Variants in NARS2 observed in about 807,000 individuals in gnomAD.
NARS2 encodes the protein asparaginyl-tRNA synthetase.
A neutral mutation model predicts 62.9 loss-of-function variants in NARS2; 60 were observed. The observed-to-expected ratio is 0.95, with a 90% CI of 0.77 to 1.18. NARS2 has a LOEUF of 1.18. Among genes scored for constraint, NARS2 ranks in the 50% most tolerant of loss-of-function variants. The pLI is 0.00. For missense variants in NARS2, 619 were observed against 576.4 expected (o/e 1.07, Z -0.76); for synonymous variants, 196 against 200.0 (o/e 0.98, Z 0.17).
At chr11:78,458,526 T>C (rs1858256167) in intron 11 of NARS2, among the ~76,000 whole-genome samples, 1 of 152,196 alleles carries the variant, frequency 6.6e-6, no homozygotes, top group Non-Finnish European at 1.5e-5. Flanking sequence ...TGTCTAACTC[T>C]ATAGCCACTA....
intron 3 of NARS2, 145 bp downstream of exon 3, chr11:78,568,487 C>T (rs1856813204): frequency 2.2e-6 from 2 of 919,766 alleles, no homozygotes; most frequent in African/African-American, 3.4e-5. Context: ...TTTGCTACTG[C>T]CTCTACAGGT....
At chr11:78,464,032 T>C (rs1215415543) in intron 11 of NARS2, among the ~76,000 whole-genome samples, 1 of 152,174 alleles carries the variant, frequency 6.6e-6, no homozygotes, top group Non-Finnish European at 1.5e-5. Flanking sequence ...TTACAGTTCT[T>C]AAAGGCGGCG....
intron 6 of NARS2, among the ~76,000 whole-genome samples, chr11:78,521,681 T>C (rs1159994564): frequency 1.3e-5 from 2 of 148,448 alleles, no homozygotes; most frequent in Non-Finnish European, 3.0e-5. Flanking sequence ...TCCCAGCTAC[T>C]TGGGAGGCTG....
chr11:78,468,310 G>GAAAGAAAAAAAAAAAAAAAAAAAAAAAA (rs1858712382), intron 10 of NARS2, among the ~76,000 whole-genome samples: 1 of 67,436 alleles, frequency 1.5e-5, no homozygotes, highest in African/African-American at 5.9e-5. Flanking sequence ...CACTAAATCT[G>GAAAGAAAAAAAAAAAAAAAAAAAAAAAA]AAAAAAAAAA....
intron 4 of NARS2, among the ~76,000 whole-genome samples, chr11:78,565,320 C>A (rs2135531750): frequency 6.6e-6 from 1 of 152,148 alleles, no homozygotes; most frequent in African/African-American, 2.4e-5. Flanking sequence ...AACAGGAAAC[C>A]AAAAACACTG....
At chr11:78,450,707 C>G (rs1312823419) in intron 11 of NARS2, among the ~76,000 whole-genome samples, 1 of 134,596 alleles carries the variant, frequency 7.4e-6, no homozygotes, top group African/African-American at 2.8e-5. Context: ...CTGAGTCTCA[C>G]TGTGTCGCCC....
chr11:78,545,697 T>C (rs564951610), intron 5 of NARS2, among the ~76,000 whole-genome samples: 1 of 152,084 alleles, frequency 6.6e-6, no homozygotes, highest in East Asian at 1.9e-4. Flanking sequence ...CAGCTAATTT[T>C]TGTATTTTTA....
intron 7 of NARS2, among the ~76,000 whole-genome samples, chr11:78,480,765 TTAAAG>T (rs142014998): frequency 0.012 from 1,757 of 152,076 alleles, 33 homozygotes; most frequent in African/African-American, 0.04. Context: ...ATAAGCAGAA[TTAAAG>T]TAAACTTTCT....
chr11:78,447,566 T>C (rs1159810860), intron 11 of NARS2, among the ~76,000 whole-genome samples: 1 of 152,100 alleles, frequency 6.6e-6, no homozygotes, highest in East Asian at 1.9e-4. Flanking sequence ...CACTGCAGCA[T>C]TACTCACAAT....
chr11:78,539,940 T>G (rs1173230610), intron 5 of NARS2, among the ~76,000 whole-genome samples: 2 of 152,222 alleles, frequency 1.3e-5, no homozygotes, highest in Non-Finnish European at 2.9e-5. Flanking sequence ...ATAGAGGGTC[T>G]TGGTATAAGA....
Position 78,527,073 on chromosome 11 carries a change from C to T in NARS2, c.689+1769G>A, listed in dbSNP as rs1861319986. On this transcript the variant is annotated intron_variant, in intron 6 of 13. Transcript: ENST00000281038. ...TGAAGTTACACGCTAATTTACAGAT[C>T]TTTCCCAGCAGAGTTGCAAATAACT... Among the ~76,000 whole-genome samples, 5 of 152,270 alleles carry T rather than the reference C, an allele frequency of 3.3e-5. No individual in the cohort carries two copies. In the South Asian group the frequency reaches 8.3e-4, roughly 25 times the overall value.
chr11:78,539,255 A>C (rs1175099413), intron 5 of NARS2, among the ~76,000 whole-genome samples: 1 of 152,042 alleles, frequency 6.6e-6, no homozygotes, highest in Non-Finnish European at 1.5e-5. Flanking sequence ...AGCTTGAATT[A>C]AACTGGTAAC....
intron 7 of NARS2, among the ~76,000 whole-genome samples, chr11:78,489,086 A>G (rs1199831361): frequency 2.0e-5 from 3 of 152,234 alleles, no homozygotes. Context: ...TAGACTTGAC[A>G]CAAAAAGCAT....
intron 11 of NARS2, among the ~76,000 whole-genome samples, chr11:78,460,801 C>T (rs1858365824): frequency 6.6e-6 from 1 of 152,126 alleles, no homozygotes; most frequent in Non-Finnish European, 1.5e-5. Flanking sequence ...TGAGTCAGCC[C>T]TCTGTATTCA....
In NARS2 at chr11:78,446,788, A is replaced by T. The variant is rs74647471; in HGVS notation, c.1165-3030T>A. On this transcript the variant is annotated intron_variant, in intron 11 of 13. Transcript: ENST00000281038. Reference sequence around the variant, plus strand: ...TTCTATGACATTAGTCTGGGCAATGATTTTTTTGGAGATGACTCCAAAAGC... The same window carrying T: ...TTCTATGACATTAGTCTGGGCAATGTTTTTTTTGGAGATGACTCCAAAAGC... Among the ~76,000 whole-genome samples the T allele has an allele frequency of 5.0e-4, 76 of 152,248 alleles. 2 individuals carry two copies. The East Asian group carries it at 0.013, about 27-fold the overall frequency.
chr11:78,565,848 G>A (rs1856725513), intron 4 of NARS2, among the ~76,000 whole-genome samples: 1 of 152,170 alleles, frequency 6.6e-6, no homozygotes, highest in Non-Finnish European at 1.5e-5. Context: ...ACTGAGCACT[G>A]CTACAGACCT....
chr11:78,469,328 G>C lies in NARS2; in HGVS notation c.960-15C>G. On this transcript the variant is annotated splice_polypyrimidine_tract_variant and intron_variant, in intron 9 of 13. Transcript: ENST00000281038. ...TATAAGAAATGCTGGAGGAAAACAG[G>C]ATACAAGCAGAGAAAAGTCAATACA... The C allele has an allele frequency of 6.2e-7, 1 of 1,605,340 alleles. No individual in the cohort carries two copies. Among genetic ancestry groups the C allele is most frequent in the Non-Finnish European group, 8.5e-7 (1 of 1,172,276 alleles).
intron 11 of NARS2, among the ~76,000 whole-genome samples, chr11:78,444,876 A>G (rs1043111179): frequency 1.3e-5 from 2 of 152,222 alleles, no homozygotes; most frequent in African/African-American, 4.8e-5. Flanking sequence ...CTGGTCAGCA[A>G]TTTGGCAACA....
chr11:78,473,403 T>C (rs144277486), intron 9 of NARS2, among the ~76,000 whole-genome samples: 94 of 152,390 alleles, frequency 6.2e-4, no homozygotes, highest in African/African-American at 2.0e-3. Context: ...TTATGTCTGC[T>C]GTTCTTGCTC....
Sources: gnomAD v4.1 joint callset for allele counts (sites outside exome capture counted in the v4.1 genomes callset) on GRCh38, gnomAD v4.1.1 for gene constraint, MANE v1.5 for transcripts, NCBI Gene and HGNC (gene_info 2026-07-23, HGNC 2026-07-21) for gene names.